The following HIP1 variants were observed in gnomAD, a reference collection of about 807,000 sequenced individuals.
HIP1 encodes the protein huntingtin interacting protein 1.
Under a neutral mutation model 147.6 loss-of-function variants are expected in HIP1, and 65 were observed. The ratio of observed to expected loss-of-function variants is 0.44; its 90% CI spans 0.36 to 0.54. HIP1 has a LOEUF of 0.54. Ranked by LOEUF, HIP1 falls within the 20% of genes least tolerant of loss-of-function variation. The pLI is 0.00. For synonymous variants in HIP1, 479 were observed against 504.0 expected, an observed-to-expected ratio of 0.95 and a Z score of 0.67; for missense variants, 1,061 against 1,299.6, an observed-to-expected ratio of 0.82 and a Z score of 2.82.
At chr7:75,570,097 C>T (rs1051797900) in intron 8 of HIP1, among the ~76,000 whole-genome samples, 2 of 151,936 alleles carry the variant, frequency 1.3e-5, no homozygotes, top group Admixed American at 6.6e-5. Context: ...CCACACCCCG[C>T]TAATTTTTGT....
intron 22 of HIP1, 101 bp downstream of exon 22, chr7:75,553,352 G>T: frequency 1.5e-6 from 2 of 1,378,600 alleles, no homozygotes; most frequent in Non-Finnish European, 2.0e-6. Flanking sequence ...AGTTCTAAGT[G>T]CAGAAAGAAC....
At chr7:75,644,040 A>G (rs1798728793) in intron 1 of HIP1, among the ~76,000 whole-genome samples, 1 of 152,126 alleles carries the variant, frequency 6.6e-6, no homozygotes, top group South Asian at 2.1e-4. Context: ...CAGAAATAAG[A>G]AAGTATGGGT....
At chr7:75,674,617 C>T (rs563479022) in intron 1 of HIP1, among the ~76,000 whole-genome samples, 7 of 151,938 alleles carry the variant, frequency 4.6e-5, no homozygotes, top group South Asian at 2.1e-4. Flanking sequence ...CTCAGCCTCC[C>T]GAGTAGCTGG....
At chr7:75,563,797 A>G (rs1319226200) in intron 9 of HIP1, among the ~76,000 whole-genome samples, 3 of 152,250 alleles carry the variant, frequency 2.0e-5, no homozygotes, top group Non-Finnish European at 2.9e-5. Flanking sequence ...GGGACAGGGC[A>G]GCCGTTCAAT....
Position 75,558,171 on chromosome 7 carries a change from C to T in HIP1, c.1460G>A (p.Arg487Gln). The change falls in exon 15 of 31, where the codon CGG (arginine) becomes CAG (glutamine). Residue 487 changes from arginine (R) to glutamine (Q), a missense_variant. Physicochemically the swap from Arg to Gln is conservative, Grantham distance 43. Coordinates refer to ENST00000336926, the MANE Select transcript of HIP1 (RefSeq NM_005338.7). ...ELVQNHADLL[R>Q]KNAEVTKQVS... ...GACAGGGGCTGAGGGTCTTACCTTC[C>T]GCAGCAGGTCAGCGTGGTTCTGAAC... The T allele has an allele frequency of 6.8e-6, 11 of 1,613,190 alleles. No homozygotes were observed. Among genetic ancestry groups the T allele is most frequent in the Non-Finnish European group, 8.5e-6 (10 of 1,179,264 alleles).
At chr7:75,668,370 G>A (rs1029975648) in intron 1 of HIP1, among the ~76,000 whole-genome samples, 3 of 152,052 alleles carry the variant, frequency 2.0e-5, no homozygotes, top group Non-Finnish European at 4.4e-5. Flanking sequence ...TGTCGCCCAG[G>A]CTGGAGTGCA....
At chr7:75,601,395 C>T (rs1796966431) in intron 1 of HIP1, among the ~76,000 whole-genome samples, 1 of 151,900 alleles carries the variant, frequency 6.6e-6, no homozygotes, top group Admixed American at 6.6e-5. Context: ...TTGAGACCAG[C>T]CTGGCCAACA....
chr7:75,595,275 C>T (rs1437288554), intron 2 of HIP1, among the ~76,000 whole-genome samples: 3,707 of 69,752 alleles, frequency 0.053, 94 homozygotes, highest in African/African-American at 0.17. Flanking sequence ...TTCCTTCCTT[C>T]CTTCCTTCCT....
At chr7:75,575,783 G>A (rs1426664920) in intron 7 of HIP1, among the ~76,000 whole-genome samples, 8 of 152,070 alleles carry the variant, frequency 5.3e-5, no homozygotes, top group African/African-American at 7.2e-5. Flanking sequence ...GACTCTGCAC[G>A]CGGCGGGCAA....
rs545988217 is a variant in HIP1, at chr7:75,659,548, C to T, written c.121-60301G>A. 7.2e-5 allele frequency among the ~76,000 whole-genome samples: 11 copies of T among 152,118 alleles called. No homozygotes were observed. In the South Asian group the frequency reaches 2.3e-3, roughly 32 times the overall value. ...CCTGTAATCCCAGCTACTCGGGAGG[C>T]TGAGGCAGGAGAATCGCTTGAGCCT... On this transcript the variant is annotated intron_variant, in intron 1 of 30. Coordinates refer to ENST00000336926, the MANE Select transcript of HIP1 (RefSeq NM_005338.7).
rs368070259 is a variant in HIP1, at chr7:75,573,750, G to A, written c.745+11C>T. 85 of 1,612,180 alleles carry A rather than the reference G, an allele frequency of 5.3e-5. No individual in the cohort carries two copies. The highest frequency in any genetic ancestry group is 1.8e-4 in the East Asian group (8 of 44,836). On this transcript the variant is annotated intron_variant, in intron 8 of 30. Transcript: ENST00000336926. ...AATCTCATGTAAGAAGATCTGGCCCGCGGTACTCACAGGAGTGGAGTTTGA... is the reference window on the plus strand; with the variant it reads ...AATCTCATGTAAGAAGATCTGGCCCACGGTACTCACAGGAGTGGAGTTTGA...
At chr7:75,622,201 CAGG>C (rs1797866473) in intron 1 of HIP1, among the ~76,000 whole-genome samples, 1 of 151,900 alleles carries the variant, frequency 6.6e-6, no homozygotes, top group South Asian at 2.1e-4. Flanking sequence ...TGCTTGAACT[CAGG>C]AGGTGAAGGC....
At chr7:75,607,756 G>A (rs1309111204) in intron 1 of HIP1, among the ~76,000 whole-genome samples, 1 of 151,734 alleles carries the variant, frequency 6.6e-6, no homozygotes, top group Non-Finnish European at 1.5e-5. Context: ...TAAGTAAACT[G>A]CCCAGGCCCG....
intron 1 of HIP1, among the ~76,000 whole-genome samples, chr7:75,683,069 G>A (rs1359456039): frequency 3.3e-5 from 5 of 151,846 alleles, no homozygotes; most frequent in Non-Finnish European, 7.4e-5. Flanking sequence ...TGCAAACTCC[G>A]CCTTCCAGGT....
chr7:75,624,654 G>A (rs1487331876), intron 1 of HIP1, among the ~76,000 whole-genome samples: 1 of 152,132 alleles, frequency 6.6e-6, no homozygotes, highest in Non-Finnish European at 1.5e-5. Context: ...TCCACTCCCT[G>A]GCCTGGCACT....
rs529191957 is a variant in HIP1, at chr7:75,638,825, C to T, written c.121-39578G>A. On this transcript the variant is annotated intron_variant, in intron 1 of 30. Transcript: ENST00000336926. ...GTCCAGCGCGATCTCCCGGGCAGCC[C>T]GGCGGCGGCGCGGCGGGAAAGCCAG... Among the ~76,000 whole-genome samples, 1,234 of 152,226 alleles carry T rather than the reference C, an allele frequency of 8.1e-3. 16 individuals are homozygous for T. Among genetic ancestry groups the T allele is most frequent in the Middle Eastern group, 0.038 (11 of 292 alleles).
chr7:75,670,079 G>T (rs1229144551), intron 1 of HIP1, among the ~76,000 whole-genome samples: 1 of 152,088 alleles, frequency 6.6e-6, no homozygotes, highest in African/African-American at 2.4e-5. Context: ...GGGATTACAG[G>T]CATGAGCCAC....
chr7:75,550,494 CT>C (rs782729087), intron 22 of HIP1, among the ~76,000 whole-genome samples: 1 of 152,178 alleles, frequency 6.6e-6, no homozygotes, highest in Non-Finnish European at 1.5e-5. Flanking sequence ...TCACTGCAGC[CT>C]CCCACTCCTG....
chr7:75,618,526 A>G (rs1266766910), intron 1 of HIP1, among the ~76,000 whole-genome samples: 1 of 151,982 alleles, frequency 6.6e-6, no homozygotes, highest in Non-Finnish European at 1.5e-5. Flanking sequence ...ACCCCAGGTG[A>G]CCTGCCCTCC....
Sources: gnomAD v4.1 joint callset for allele counts (sites outside exome capture counted in the v4.1 genomes callset) on GRCh38, gnomAD v4.1.1 for gene constraint, MANE v1.5 for transcripts, NCBI Gene and HGNC (gene_info 2026-07-23, HGNC 2026-07-21) for gene names.